The following CDH12 variants were observed in gnomAD, a reference collection of about 807,000 sequenced individuals.
CDH12 encodes cadherin-12.
Under a neutral mutation model 74.1 loss-of-function variants are expected in CDH12, and 41 were observed. That is an observed-to-expected ratio of 0.55 (90% CI 0.43 to 0.72). The LOEUF is 0.72. CDH12 is among the 30% of genes least tolerant of loss of function. The pLI is 0.00. For synonymous variants in CDH12, 399 were observed against 355.0 expected (o/e 1.12, Z -1.39); for missense variants, 945 against 977.2 (o/e 0.97, Z 0.44).
At chr5:22,547,063 C>T (rs906079651) in intron 1 of CDH12, among the ~76,000 whole-genome samples, 4 of 152,122 alleles carry the variant, frequency 2.6e-5, no homozygotes, top group Non-Finnish European at 5.9e-5. Flanking sequence ...GATGCACATC[C>T]ATTTGAGGGC....
chr5:22,405,423 C>A (rs1742901522), intron 2 of CDH12, 72 bp from the exon 3 acceptor site: 2 of 259,150 alleles, frequency 7.7e-6, no homozygotes, highest in African/African-American at 2.3e-5. Flanking sequence ...ATTAATTCAG[C>A]CTTCCCAGAA....
chr5:21,868,493 T>A (rs1363859057), intron 6 of CDH12, among the ~76,000 whole-genome samples: 9 of 152,182 alleles, frequency 5.9e-5, no homozygotes. Flanking sequence ...AGCAAAGTCA[T>A]AGGAGTGTAG....
At chr5:22,205,358 T>G (rs1751162284) in intron 4 of CDH12, among the ~76,000 whole-genome samples, 1 of 152,002 alleles carries the variant, frequency 6.6e-6, no homozygotes, top group African/African-American at 2.4e-5. Context: ...AGAAAAACAA[T>G]AATCAAATAA....
intron 5 of CDH12, among the ~76,000 whole-genome samples, chr5:22,000,555 A>C (rs13354104): frequency 6.6e-6 from 1 of 152,092 alleles, no homozygotes; most frequent in Non-Finnish European, 1.5e-5. Flanking sequence ...GCAATCTGGA[A>C]TCAGTCCATC....
rs560466139 is a variant in CDH12, at chr5:22,815,048, A to G, written c.-523+38010T>C. On this transcript the variant is annotated intron_variant, in intron 1 of 14. Transcript: ENST00000382254. Reference sequence around the variant, plus strand: ...ACTGTGCACCCAGTGTTTCTGGCATAGAAGAGAGGGTTCAACTTTTGCCTA... The same window carrying G: ...ACTGTGCACCCAGTGTTTCTGGCATGGAAGAGAGGGTTCAACTTTTGCCTA... Among the ~76,000 whole-genome samples, 60 of 152,314 alleles carry G rather than the reference A, an allele frequency of 3.9e-4. 2 individuals carry two copies. The South Asian group carries it at 0.012, about 30-fold the overall frequency.
chr5:22,500,500 A>G (rs2126654881), intron 2 of CDH12, among the ~76,000 whole-genome samples: 1 of 152,264 alleles, frequency 6.6e-6, no homozygotes, highest in Middle Eastern at 3.4e-3. Flanking sequence ...ATTTGACTCC[A>G]CTTTTACTAT....
At chr5:22,045,118 C>A (rs147792999) in intron 5 of CDH12, among the ~76,000 whole-genome samples, 3 of 152,160 alleles carry the variant, frequency 2.0e-5, no homozygotes, top group Admixed American at 6.5e-5. Context: ...ATTCCAATTA[C>A]AAAATTGGTA....
intron 4 of CDH12, among the ~76,000 whole-genome samples, chr5:22,097,804 C>G (rs1743878564): frequency 6.6e-6 from 1 of 152,130 alleles, no homozygotes; most frequent in Non-Finnish European, 1.5e-5. Flanking sequence ...AACCTAATCA[C>G]TCTTACCCTG....
At chr5:22,243,299 C>T (rs13173169) in intron 3 of CDH12, among the ~76,000 whole-genome samples, 54,630 of 151,910 alleles carry the variant, frequency 0.36, 10,154 homozygotes, top group East Asian at 0.49. Context: ...CAACAAGTAA[C>T]AGAATATTAT....
chr5:22,302,652 T>C (rs1194518979), intron 3 of CDH12, among the ~76,000 whole-genome samples: 7 of 152,086 alleles, frequency 4.6e-5, no homozygotes, highest in African/African-American at 1.7e-4. Context: ...AAAATGAGAA[T>C]AGCTTAGGAA....
intron 1 of CDH12, among the ~76,000 whole-genome samples, chr5:22,817,867 G>A (rs886401328): frequency 6.6e-6 from 1 of 152,048 alleles, no homozygotes; most frequent in African/African-American, 2.4e-5. Context: ...TATAAATTTG[G>A]TATTCTCAAA....
At chr5:22,202,591 T>C (rs1750987830) in intron 4 of CDH12, among the ~76,000 whole-genome samples, 1 of 151,890 alleles carries the variant, frequency 6.6e-6, no homozygotes, top group Non-Finnish European at 1.5e-5. Flanking sequence ...CCAGCAAGAG[T>C]AGAGGCAAAA....
At chr5:21,977,438 G>A (rs1457862288) in intron 5 of CDH12, among the ~76,000 whole-genome samples, 1 of 152,036 alleles carries the variant, frequency 6.6e-6, no homozygotes, top group Non-Finnish European at 1.5e-5. Flanking sequence ...ATATGAGACA[G>A]GCAAAAGCTC....
chr5:22,841,154 A>C (rs1737064286), intron 1 of CDH12, among the ~76,000 whole-genome samples: 1 of 152,194 alleles, frequency 6.6e-6, no homozygotes, highest in Admixed American at 6.5e-5. Flanking sequence ...AACTAGAAGC[A>C]GTAATTTGGA....
intron 1 of CDH12, among the ~76,000 whole-genome samples, chr5:22,669,413 C>T (rs534446701): frequency 1.3e-5 from 2 of 152,278 alleles, no homozygotes; most frequent in Non-Finnish European, 2.9e-5. Context: ...GTATTTGTGG[C>T]AGACACAGCT....
intron 2 of CDH12, among the ~76,000 whole-genome samples, chr5:22,427,332 T>G (rs2126511916): frequency 6.6e-6 from 1 of 152,164 alleles, no homozygotes; most frequent in South Asian, 2.1e-4. Context: ...CACGCCCGGC[T>G]AATTTTTATA....
At chr5:22,760,020 T>A (rs900624739) in intron 1 of CDH12, among the ~76,000 whole-genome samples, 1 of 152,314 alleles carries the variant, frequency 6.6e-6, no homozygotes, top group Admixed American at 6.5e-5. Context: ...GTATTCAATG[T>A]TAATCTCATC....
intron 6 of CDH12, among the ~76,000 whole-genome samples, chr5:21,911,998 G>A (rs1298154447): frequency 6.6e-6 from 1 of 152,078 alleles, no homozygotes; most frequent in East Asian, 1.9e-4. Context: ...AAACTTGGAA[G>A]CTTATAAAGA....
intron 2 of CDH12, among the ~76,000 whole-genome samples, chr5:22,426,522 C>T (rs1743948059): frequency 6.6e-6 from 1 of 151,876 alleles, no homozygotes; most frequent in African/African-American, 2.4e-5. Context: ...TAGGCAAGAA[C>T]CCCCCGAATA....
Sources: gnomAD v4.1 joint callset for allele counts (sites outside exome capture counted in the v4.1 genomes callset) on GRCh38, gnomAD v4.1.1 for gene constraint, MANE v1.5 for transcripts, NCBI Gene and HGNC (gene_info 2026-07-23, HGNC 2026-07-21) for gene names.